The following KLHL6 variants were observed in gnomAD, a reference collection of about 807,000 sequenced individuals.
The protein encoded by KLHL6 is kelch-like protein 6.
A neutral mutation model predicts 58.6 loss-of-function variants in KLHL6; 41 were observed. That is an observed-to-expected ratio of 0.70 (90% CI 0.55 to 0.91). The LOEUF is 0.91. Among genes scored for constraint, KLHL6 ranks in the 40% least tolerant of loss-of-function variants. The pLI, the probability that KLHL6 is intolerant of heterozygous loss-of-function variation, is 0.00. For synonymous variants in KLHL6, 338 were observed against 322.7 expected (o/e 1.05, Z -0.51); for missense variants, 714 against 805.6 (o/e 0.89, Z 1.38).
Position 183,555,616 on chromosome 3 carries a change from C to G in KLHL6, c.38G>C (p.Gly13Ala). Reference sequence around the variant, plus strand: ...TTCCAAACTCTTCTCGACCACATCACCCATGGTCCAGGCGCCCCTTTGTCC... The same window carrying G: ...TTCCAAACTCTTCTCGACCACATCAGCCATGGTCCAGGCGCCCCTTTGTCC... ...MAGQRGAWTM[G>A]DVVEKSLEGP... is the part of the protein sequence containing the mutation. The change falls in exon 1 of 7, where the codon GGT becomes GCT. Residue 13 changes from glycine (G) to alanine (A), a missense_variant. Around this residue, in one of 2 missense-constraint regions of KLHL6, gnomAD observed 204 missense variants for 175.9 expected, o/e 1.16. Coordinates refer to ENST00000341319, the MANE Select transcript of KLHL6 (RefSeq NM_130446.4). 1.2e-6 allele frequency: 2 copies of G among 1,610,488 alleles called. No individual in the cohort carries two copies. The highest frequency in any genetic ancestry group is 1.7e-6 in the Non-Finnish European group (2 of 1,178,430).
At chr3:183,552,927 G>C (rs555516121) in intron 1 of KLHL6, among the ~76,000 whole-genome samples, 4 of 152,204 alleles carry the variant, frequency 2.6e-5, no homozygotes, top group African/African-American at 7.2e-5. Flanking sequence ...CCGTCGGTAG[G>C]CTGGGGATAG....
In KLHL6 at chr3:183,494,023, A is replaced by T. The variant is rs559847186; in HGVS notation, c.1350+56T>A. 554 of 1,500,830 alleles carry T rather than the reference A, an allele frequency of 3.7e-4. 1 individual carries two copies. The highest frequency in any genetic ancestry group is 4.6e-4 in the Non-Finnish European group (500 of 1,078,218). 93.0% of individuals were successfully genotyped at this position (1,500,830 alleles called of 1,614,324 possible). On this transcript the variant is annotated intron_variant, in intron 5 of 6. Transcript: ENST00000341319. ...CGGCAGGCACGTTCCAAAGCTTTTT[A>T]AAAAAGCACTGAAGTAATAATACAG... is the stretch of plus-strand genomic sequence containing the variant.
chr3:183,517,397 C>G (rs1274275027), intron 2 of KLHL6, among the ~76,000 whole-genome samples: 1 of 152,192 alleles, frequency 6.6e-6, no homozygotes, highest in Non-Finnish European at 1.5e-5. Context: ...GCTCCAGCTC[C>G]GTTCCCGTGG....
At position 183,490,976 on chromosome 3, in the gene KLHL6, C is replaced by T. The variant is rs1001684917; in HGVS notation, c.*951G>A. On this transcript the variant is annotated 3_prime_UTR_variant, in exon 7 of 7. Coordinates refer to ENST00000341319, the MANE Select transcript of KLHL6 (RefSeq NM_130446.4). The stretch of plus-strand genomic sequence containing the variant: ...TTTAAATATTGGTAAAGGGCGGGGA[C>T]GAGGGAGGATGCAGAATAAGAAAGA... The T allele has an allele frequency of 1.8e-4, 28 of 152,074 alleles. No individual in the cohort carries two copies. Among genetic ancestry groups the T allele is most frequent in the African/African-American group, 6.8e-4 (28 of 41,464 alleles). The allele number at this position is 152,074 out of a possible 1,614,324, so 9.4% of individuals were successfully genotyped here. A position where few individuals can be genotyped will look rare whatever the true frequency, so the allele number is the denominator to read the frequency against.
intron 1 of KLHL6, among the ~76,000 whole-genome samples, chr3:183,553,458 A>G (rs1008240539): frequency 6.6e-6 from 1 of 152,218 alleles, no homozygotes; most frequent in Non-Finnish European, 1.5e-5. Flanking sequence ...CCAGGTATGC[A>G]TTTTATGATA....
chr3:183,541,861 TA>T (rs1331527573), intron 1 of KLHL6, among the ~76,000 whole-genome samples: 1 of 152,198 alleles, frequency 6.6e-6, no homozygotes, highest in East Asian at 1.9e-4. Flanking sequence ...AGCTTTGCTC[TA>T]AAACGGGATA....
Position 183,555,543 on chromosome 3 carries a change from G to A in KLHL6, c.111C>T (p.Asp37=), listed in dbSNP as rs1246860241. 1.2e-6 allele frequency: 2 copies of A among 1,614,014 alleles called. No homozygotes were observed. The highest frequency in any genetic ancestry group is 1.3e-5 in the African/African-American group (1 of 74,890). The change falls in exon 1 of 7, where the codon GAC becomes GAT. Residue 37 remains aspartate (D), a synonymous_variant. Coordinates refer to ENST00000341319, the MANE Select transcript of KLHL6 (RefSeq NM_130446.4). ...STDEPSQKTG[D]LVEILNGEKV... ...TTTCCCCATTTAAGATCTCGACCAA[G>A]TCTCCTGTTTTCTGGGAGGGCTCAT...
rs1577169961 is a variant in KLHL6 at position 183,487,648 on chromosome 3, C to A, written c.*4279G>T. On this transcript the variant is annotated 3_prime_UTR_variant, in exon 7 of 7. Coordinates refer to ENST00000341319, the MANE Select transcript of KLHL6 (RefSeq NM_130446.4). ...TCTTAGTTTGATCACTTAAAACATA[C>A]AACTTTATGTAACCAAAATGCTTAA... 1 of 151,946 alleles carries A rather than the reference C, an allele frequency of 6.6e-6. No individual in the cohort carries two copies. The highest frequency in any genetic ancestry group is 1.5e-5 in the Non-Finnish European group (1 of 68,010). The allele number at this position is 151,946 out of a possible 1,614,324, so 9.4% of individuals were successfully genotyped here.
At chr3:183,510,979 G>A (rs1216135910) in intron 2 of KLHL6, among the ~76,000 whole-genome samples, 2 of 152,210 alleles carry the variant, frequency 1.3e-5, no homozygotes, top group Non-Finnish European at 2.9e-5. Context: ...TGGGACGAGA[G>A]ACTGAGAAAA....
chr3:183,549,436 T>C (rs1257362255), intron 1 of KLHL6, among the ~76,000 whole-genome samples: 1 of 152,232 alleles, frequency 6.6e-6, no homozygotes, highest in Non-Finnish European at 1.5e-5. Flanking sequence ...TTATCTGTAG[T>C]TTCAAAATTC....
At chr3:183,498,498 C>G (rs923639714) in intron 4 of KLHL6, among the ~76,000 whole-genome samples, 1 of 151,944 alleles carries the variant, frequency 6.6e-6, no homozygotes, top group African/African-American at 2.4e-5. Context: ...AGGCTTAGAA[C>G]TTGGGTTGAA....
rs1209184443 is a variant in KLHL6 at position 183,527,878 on chromosome 3, G to A, written c.426C>T (p.Val142=). The change falls in exon 2 of 7, where the codon GTC becomes GTT. Residue 142 remains valine, a synonymous_variant. Transcript: ENST00000341319. ...TSKALITKQN[V]QRVLEAANLF... ...GGTTAGCAGCCTCCAGGACCCGCTG[G>A]ACATTCTGCTTGGTGATCAGCGCCT... 6.2e-7 allele frequency: 1 copy of A among 1,614,014 alleles called. No individual in the cohort carries two copies. Among genetic ancestry groups the A allele is most frequent in the Non-Finnish European group, 8.5e-7 (1 of 1,179,988 alleles).
At chr3:183,533,069 C>G (rs1178120983) in intron 1 of KLHL6, among the ~76,000 whole-genome samples, 1 of 152,184 alleles carries the variant, frequency 6.6e-6, no homozygotes, top group Non-Finnish European at 1.5e-5. Context: ...GACACATGAA[C>G]AGGTTAGGGA....
intron 1 of KLHL6, among the ~76,000 whole-genome samples, chr3:183,536,774 T>TG (rs1712379559): frequency 6.6e-6 from 1 of 152,200 alleles, no homozygotes; most frequent in Non-Finnish European, 1.5e-5. Context: ...AGCACCACAC[T>TG]GACTCACAAC....
At chr3:183,531,887 A>C (rs7639602) in intron 1 of KLHL6, among the ~76,000 whole-genome samples, 6,320 of 152,306 alleles carry the variant, frequency 0.041, 430 homozygotes, top group African/African-American at 0.14. Flanking sequence ...AATTATACAT[A>C]AAGTCTCACC....
At chr3:183,512,132 G>C (rs1257855126) in intron 2 of KLHL6, among the ~76,000 whole-genome samples, 1 of 152,178 alleles carries the variant, frequency 6.6e-6, no homozygotes, top group South Asian at 2.1e-4. Context: ...CCTCAGAACT[G>C]GACACCAGAA....
At chr3:183,510,967 G>A in intron 2 of KLHL6, among the ~76,000 whole-genome samples, 1 of 151,908 alleles carries the variant, frequency 6.6e-6, no homozygotes, top group African/African-American at 2.4e-5. Context: ...TTTCTCGTCA[G>A]GTGGGACGAG....
intron 1 of KLHL6, among the ~76,000 whole-genome samples, chr3:183,542,362 C>G (rs188860088): frequency 6.6e-6 from 1 of 152,342 alleles, no homozygotes; most frequent in Admixed American, 6.5e-5. Context: ...CTGACCATGC[C>G]TGTCTCTCAG....
At position 183,555,375 on chromosome 3, in the gene KLHL6, G is replaced by A; in HGVS notation, c.279C>T (p.Ala93=). 1.9e-6 allele frequency: 3 copies of A among 1,613,956 alleles called. No homozygotes were observed. The highest frequency in any genetic ancestry group is 1.7e-6 in the Non-Finnish European group (2 of 1,179,910). Residue 93 remains alanine, a synonymous_variant, in exon 1 of 7, where the codon GCC becomes GCT. Transcript: ENST00000341319. ...FSCHRVVLAA[A]SNYFRAMFCN... is the part of the protein sequence containing the mutation. Reference sequence around the variant, plus strand: ...GGCATGCTGACCTGAAATAGTTGCTGGCTGCGGCAAGCACCACGCGGTGGC... The same window carrying A: ...GGCATGCTGACCTGAAATAGTTGCTAGCTGCGGCAAGCACCACGCGGTGGC...
Sources: allele counts gnomAD v4.1 joint callset (sites outside exome capture counted in the v4.1 genomes callset), GRCh38; gene constraint gnomAD v4.1.1; regional missense constraint gnomAD v4.1.1; transcripts MANE v1.5; gene names NCBI Gene and HGNC (gene_info 2026-07-23, HGNC 2026-07-21).